Variants in SEMA5A observed in about 807,000 individuals in gnomAD.
The protein encoded by SEMA5A is semaphorin 5A.
In SEMA5A, 55 loss-of-function variants were observed where a neutral mutation model predicts 135.5. That is an observed-to-expected ratio of 0.41 (90% CI 0.33 to 0.51). The LOEUF (loss-of-function observed/expected upper bound fraction) is 0.51. Ranked by LOEUF, SEMA5A falls within the 20% of genes least tolerant of loss-of-function variation. The probability of loss-of-function intolerance (pLI) is 0.37; values close to 1 mark genes in which losing one functional copy is unlikely to be tolerated. For missense variants in SEMA5A, 1,290 were observed against 1,419.9 expected, an observed-to-expected ratio of 0.91 and a Z score of 1.47; for synonymous variants, 580 against 546.5, an observed-to-expected ratio of 1.06 and a Z score of -0.85.
intron 1 of SEMA5A, among the ~76,000 whole-genome samples, chr5:9,505,449 G>C (rs3798060): frequency 0.38 from 58,499 of 152,114 alleles, 11,869 homozygotes; most frequent in Non-Finnish European, 0.44. Flanking sequence ...CTCAGATACA[G>C]CCTGGATGTT....
chr5:9,503,215 C>T (rs1192006373), intron 1 of SEMA5A, among the ~76,000 whole-genome samples: 2 of 152,174 alleles, frequency 1.3e-5, no homozygotes, highest in African/African-American at 4.8e-5. Flanking sequence ...ATAAGAGGGG[C>T]ACTTCTTCAC....
intron 9 of SEMA5A, among the ~76,000 whole-genome samples, chr5:9,198,503 T>A (rs887110698): frequency 3.3e-5 from 5 of 152,072 alleles, no homozygotes; most frequent in African/African-American, 1.2e-4. Flanking sequence ...GTGGGTGAAG[T>A]AGACAGGATT....
intron 11 of SEMA5A, 25 bp downstream of exon 11, chr5:9,190,242 C>G: frequency 6.2e-7 from 1 of 1,609,662 alleles, no homozygotes; most frequent in Non-Finnish European, 8.5e-7. Flanking sequence ...GTAGAAAACC[C>G]CTCAGAGGGG....
chr5:9,534,096 C>G (rs1737611101), intron 1 of SEMA5A, among the ~76,000 whole-genome samples: 1 of 152,148 alleles, frequency 6.6e-6, no homozygotes, highest in Admixed American at 6.5e-5. Context: ...TAGGTTTAGC[C>G]CTGAAGGCTT....
At chr5:9,463,671 G>A (rs958417107) in intron 1 of SEMA5A, among the ~76,000 whole-genome samples, 1 of 152,164 alleles carries the variant, frequency 6.6e-6, no homozygotes. Context: ...CCAACGTGGG[G>A]CTTTCCTCTG....
chr5:9,276,590 T>C (rs1750274338), intron 5 of SEMA5A, among the ~76,000 whole-genome samples: 1 of 152,146 alleles, frequency 6.6e-6, no homozygotes, highest in Non-Finnish European at 1.5e-5. Flanking sequence ...TAAAACAGTA[T>C]GGTACTGGTA....
intron 2 of SEMA5A, among the ~76,000 whole-genome samples, chr5:9,424,766 C>T (rs1033705001): frequency 6.6e-6 from 1 of 152,118 alleles, no homozygotes; most frequent in Admixed American, 6.6e-5. Flanking sequence ...CTCCAATGCC[C>T]AATCCATCAG....
chr5:9,463,084 A>G (rs973931356), intron 1 of SEMA5A, among the ~76,000 whole-genome samples: 4 of 152,194 alleles, frequency 2.6e-5, no homozygotes, highest in Admixed American at 6.5e-5. Flanking sequence ...AAGAACAATA[A>G]GGATGCAACT....
intron 4 of SEMA5A, 138 bp downstream of exon 4, chr5:9,337,575 C>T (rs956461086): frequency 6.7e-6 from 4 of 595,466 alleles, no homozygotes; most frequent in South Asian, 2.4e-5. Flanking sequence ...TTTTATGACA[C>T]TCATACTGTA....
At chr5:9,221,570 G>A (rs903095131) in intron 8 of SEMA5A, among the ~76,000 whole-genome samples, 25 of 152,066 alleles carry the variant, frequency 1.6e-4, no homozygotes, top group Non-Finnish European at 2.5e-4. Flanking sequence ...CCAAAGTGCT[G>A]GGATTACAGG....
At position 9,535,100 on chromosome 5, in the gene SEMA5A, C is replaced by T. The variant is rs180995817; in HGVS notation, c.-175+10484G>A. Reference sequence around the variant, plus strand: ...GCTCTTCCCACCTCCCAGCTTCATCCTGAAGATCCTCGCTGTGAATCCTTA... The same window carrying T: ...GCTCTTCCCACCTCCCAGCTTCATCTTGAAGATCCTCGCTGTGAATCCTTA... On this transcript the variant is annotated intron_variant, in intron 1 of 22. Coordinates refer to ENST00000382496, the MANE Select transcript of SEMA5A (RefSeq NM_003966.3). Among the ~76,000 whole-genome samples, 3 of 152,242 alleles carry T rather than the reference C, an allele frequency of 2.0e-5. No individual in the cohort carries two copies. The South Asian group carries it at 6.2e-4, about 31-fold the overall frequency.
In SEMA5A at chr5:9,038,321, A is replaced by G. The variant is rs1735763237; in HGVS notation, c.*4576T>C. 1 of 152,188 alleles carries G rather than the reference A, an allele frequency of 6.6e-6. No homozygotes were observed. The highest frequency in any genetic ancestry group is 1.5e-5 in the Non-Finnish European group (1 of 68,040). The allele number at this position is 152,188 out of a possible 1,614,324, so 9.4% of individuals were successfully genotyped here. A position where few individuals can be genotyped will look rare whatever the true frequency, so the allele number is the denominator to read the frequency against. ...GCAGTCGCTGTTAATTTTATCAACC[A>G]TTAGTACCTGTTGCCTCTGGTTCTG... On this transcript the variant is annotated 3_prime_UTR_variant, in exon 23 of 23. Coordinates refer to ENST00000382496, the MANE Select transcript of SEMA5A (RefSeq NM_003966.3).
chr5:9,353,123 A>G (rs1322447648), intron 3 of SEMA5A, among the ~76,000 whole-genome samples: 92 of 69,380 alleles, frequency 1.3e-3, no homozygotes, highest in African/African-American at 4.0e-3. Context: ...AAAGGAAAGG[A>G]AAGGAAAGGA....
chr5:9,245,632 A>G (rs947966282), intron 5 of SEMA5A, among the ~76,000 whole-genome samples: 1 of 152,226 alleles, frequency 6.6e-6, no homozygotes, highest in Non-Finnish European at 1.5e-5. Flanking sequence ...TCCGTACTCT[A>G]TAATAAACCA....
At chr5:9,539,014 A>C (rs1486388887) in intron 1 of SEMA5A, among the ~76,000 whole-genome samples, 1 of 152,212 alleles carries the variant, frequency 6.6e-6, no homozygotes, top group Non-Finnish European at 1.5e-5. Flanking sequence ...CAATTTAATG[A>C]TTTTTAGTAC....
chr5:9,082,055 T>C (rs1738416638), intron 16 of SEMA5A, among the ~76,000 whole-genome samples: 1 of 152,214 alleles, frequency 6.6e-6, no homozygotes, highest in Non-Finnish European at 1.5e-5. Context: ...TGGAGCCCTT[T>C]TTCTCAAGAG....
intron 2 of SEMA5A, among the ~76,000 whole-genome samples, chr5:9,383,785 C>G (rs1191944196): frequency 6.6e-6 from 1 of 152,090 alleles, no homozygotes; most frequent in East Asian, 1.9e-4. Flanking sequence ...TACAATATGC[C>G]CTCCACTCTG....
intron 2 of SEMA5A, among the ~76,000 whole-genome samples, chr5:9,388,489 A>T (rs1755995917): frequency 6.6e-6 from 1 of 151,968 alleles, no homozygotes; most frequent in African/African-American, 2.4e-5. Flanking sequence ...AAAAAGAAAA[A>T]GAAAAAAGTA....
intron 1 of SEMA5A, among the ~76,000 whole-genome samples, chr5:9,529,463 G>A (rs1737325310): frequency 6.6e-6 from 1 of 152,194 alleles, no homozygotes. Flanking sequence ...TCCGGGTATG[G>A]GACTGTGGCC....
Sources: gnomAD v4.1 joint callset for allele counts (sites outside exome capture counted in the v4.1 genomes callset) on GRCh38, gnomAD v4.1.1 for gene constraint, MANE v1.5 for transcripts, NCBI Gene and HGNC (gene_info 2026-07-23, HGNC 2026-07-21) for gene names.